The following THOC5 variants were observed in gnomAD, a reference collection of about 807,000 sequenced individuals.
The protein encoded by THOC5 is THO complex subunit 5.
A neutral mutation model predicts 92.9 loss-of-function variants in THOC5; 43 were observed. The ratio of observed to expected loss-of-function variants is 0.46; its 90% CI spans 0.36 to 0.60. THOC5 has a LOEUF of 0.60. Among genes scored for constraint, THOC5 ranks in the 20% least tolerant of loss-of-function variants. The pLI is 0.00. For missense variants in THOC5, 659 were observed against 849.4 expected, an observed-to-expected ratio of 0.78 and a Z score of 2.79; for synonymous variants, 296 against 320.1, an observed-to-expected ratio of 0.92 and a Z score of 0.80.
intron 1 of THOC5, among the ~76,000 whole-genome samples, chr22:29,551,168 T>G (rs1263463144): frequency 6.6e-6 from 1 of 152,188 alleles, no homozygotes; most frequent in African/African-American, 2.4e-5. Flanking sequence ...GCGCAGTGGC[T>G]CAGGCCTGTA....
At position 29,544,495 on chromosome 22, in the gene THOC5, T is replaced by C. The variant is rs2063972433; in HGVS notation, c.205A>G (p.Ile69Val). Reference protein sequence around the residue: ...CQELQRLMAEIQDLKSRGGKD... With the variant: ...CQELQRLMAEVQDLKSRGGKD... The stretch of plus-strand genomic sequence containing the variant: ...CCACCCCTGCTCTTCAGGTCTTGGA[T>C]CTCAGCCATCAGCCTCTGTAGCTCC... The change falls in exon 3 of 20, where the codon ATC becomes GTC. Residue 69 changes from isoleucine to valine, a missense_variant. Transcript: ENST00000490103. 6.2e-7 allele frequency: 1 copy of C among 1,613,992 alleles called. No individual in the cohort carries two copies. The highest frequency in any genetic ancestry group is 8.5e-7 in the Non-Finnish European group (1 of 1,179,992).
chr22:29,524,758 T>C (rs1317163774), intron 12 of THOC5, among the ~76,000 whole-genome samples: 1 of 152,148 alleles, frequency 6.6e-6, no homozygotes, highest in Non-Finnish European at 1.5e-5. Context: ...ATGTGGACTC[T>C]AAGGGCAGTC....
At chr22:29,520,896 C>G in intron 13 of THOC5, 102 bp downstream of exon 13, 1 of 840,034 alleles carries the variant, frequency 1.2e-6, no homozygotes, top group African/African-American at 1.7e-5. Flanking sequence ...CTTTCCTATC[C>G]TCTGGGTCAC....
intron 3 of THOC5, among the ~76,000 whole-genome samples, chr22:29,543,933 A>G (rs2063956869): frequency 6.6e-6 from 1 of 152,236 alleles, no homozygotes; most frequent in African/African-American, 2.4e-5. Flanking sequence ...CTTGGCTAGA[A>G]TAGATTGAAT....
chr22:29,534,981 A>T (rs1331746192), intron 7 of THOC5: 1 of 147,408 alleles, frequency 6.8e-6, no homozygotes, highest in East Asian at 2.0e-4. Context: ...AAAAAAAAGC[A>T]TTTTAGGCCG....
At chr22:29,544,423 C>G (rs750941216) in intron 3 of THOC5, 37 bp downstream of exon 3, 1 of 1,602,194 alleles carries the variant, frequency 6.2e-7, no homozygotes, top group Non-Finnish European at 8.5e-7. Context: ...TCTATGTAAA[C>G]CCACCAGGTT....
At chr22:29,537,143 C>T (rs924823018) in intron 6 of THOC5, among the ~76,000 whole-genome samples, 1 of 152,244 alleles carries the variant, frequency 6.6e-6, no homozygotes, top group Non-Finnish European at 1.5e-5. Flanking sequence ...AGACCTAAAA[C>T]TTTCACAAAC....
chr22:29,507,514 A>G lies in THOC5; in HGVS notation c.*943T>C, dbSNP rs2063149658. Reference sequence around the variant, plus strand: ...ACTGGGACTACAGGCATGCGCCACCACGCTTGGCTAATTTCCATGTTTTTA... The same window carrying G: ...ACTGGGACTACAGGCATGCGCCACCGCGCTTGGCTAATTTCCATGTTTTTA... On this transcript the variant is annotated 3_prime_UTR_variant, in exon 20 of 20. Transcript: ENST00000490103. 2 of 152,090 alleles carry G rather than the reference A, an allele frequency of 1.3e-5. No individual in the cohort carries two copies. The highest frequency in any genetic ancestry group is 4.8e-5 in the African/African-American group (2 of 41,410). The allele number at this position is 152,090 out of a possible 1,614,324, so 9.4% of individuals were successfully genotyped here.
At chr22:29,541,838 G>A (rs1210053135) in intron 5 of THOC5, among the ~76,000 whole-genome samples, 8 of 122,514 alleles carry the variant, frequency 6.5e-5, no homozygotes, top group African/African-American at 2.3e-4. Context: ...TCCAGCCTGG[G>A]CGACAGAGCA....
At chr22:29,552,863 G>A (rs2064199488) in intron 1 of THOC5, among the ~76,000 whole-genome samples, 1 of 152,188 alleles carries the variant, frequency 6.6e-6, no homozygotes, top group Non-Finnish European at 1.5e-5. Context: ...GAGAGAGGTG[G>A]ACAAGGGAGA....
chr22:29,529,242 G>T lies in THOC5; in HGVS notation c.848-3C>A, dbSNP rs756549607. On this transcript the variant is annotated splice_polypyrimidine_tract_variant and splice_region_variant and intron_variant, in intron 8 of 19. Coordinates refer to ENST00000490103, the MANE Select transcript of THOC5 (RefSeq NM_003678.5). ...GATTGCCACAGATAACGTCTTATCT[G>T]GGGGGCAAGAAGAAGTCTGTTAGGA... 3.1e-6 allele frequency: 5 copies of T among 1,614,084 alleles called. No homozygotes were observed. The highest frequency in any genetic ancestry group is 2.2e-5 in the South Asian group (2 of 91,076).
intron 17 of THOC5, 44 bp downstream of exon 17, chr22:29,516,985 C>T (rs1272024943): frequency 1.9e-6 from 3 of 1,597,792 alleles, no homozygotes; most frequent in African/African-American, 1.3e-5. Flanking sequence ...TGATTCTTGG[C>T]AGCGCCCTTT....
At chr22:29,538,107 T>C (rs955223232) in intron 6 of THOC5, among the ~76,000 whole-genome samples, 3 of 151,964 alleles carry the variant, frequency 2.0e-5, no homozygotes, top group Admixed American at 2.0e-4. Flanking sequence ...CTCAGCCTCC[T>C]GAGTAGCTGG....
rs1569219292 is a variant in THOC5, at chr22:29,528,109, T to C, written c.1035A>G (p.Pro345=). 1 of 1,614,144 alleles carries C rather than the reference T, an allele frequency of 6.2e-7. No individual in the cohort carries two copies. Residue 345 remains proline, a synonymous_variant, in exon 11 of 20, where the codon CCA becomes CCG. Coordinates refer to ENST00000490103, the MANE Select transcript of THOC5 (RefSeq NM_003678.5). ...ACTTCAGGTCGAGCATGACAGACAG[T>C]GGGTGCCTCTTCAGCATCTCCTTGC... The part of the protein sequence containing the change: ...DKRKEMLKRH[P]LSVMLDLKCK...
intron 17 of THOC5, among the ~76,000 whole-genome samples, chr22:29,515,826 G>A (rs2063323248): frequency 6.6e-6 from 1 of 151,810 alleles, no homozygotes; most frequent in Non-Finnish European, 1.5e-5. Context: ...GCAAGACCCT[G>A]TCTCAAAAAA....
intron 9 of THOC5, chr22:29,528,836 T>TGTG (rs1569220208): frequency 1.4e-5 from 7 of 488,264 alleles, no homozygotes. Context: ...TGCTAAAGGC[T>TGTG]GTATGTGCAT....
intron 8 of THOC5, among the ~76,000 whole-genome samples, chr22:29,529,972 G>A (rs555304759): frequency 7.2e-5 from 11 of 152,126 alleles, no homozygotes; most frequent in African/African-American, 1.2e-4. Flanking sequence ...GCAAAATCCC[G>A]TCTGTACTAA....
At chr22:29,543,822 A>C (rs1423170120) in intron 3 of THOC5, among the ~76,000 whole-genome samples, 2 of 152,218 alleles carry the variant, frequency 1.3e-5, no homozygotes, top group African/African-American at 2.4e-5. Flanking sequence ...GATCCTACAC[A>C]GAGATCCCAG....
chr22:29,538,824 A>T (rs1190144867), intron 6 of THOC5, among the ~76,000 whole-genome samples: 1 of 148,850 alleles, frequency 6.7e-6, no homozygotes, highest in Non-Finnish European at 1.5e-5. Context: ...AAAAAAAAAA[A>T]AAAGGGCCAG....
Sources: gnomAD v4.1 joint callset for allele counts (sites outside exome capture counted in the v4.1 genomes callset) on GRCh38, gnomAD v4.1.1 for gene constraint, MANE v1.5 for transcripts, NCBI Gene and HGNC (gene_info 2026-07-23, HGNC 2026-07-21) for gene names.